The following GNG2 variants were observed in gnomAD, a reference collection of about 807,000 sequenced individuals.
GNG2 encodes the protein guanine nucleotide-binding protein G(I)/G(S)/G(O) subunit gamma-2.
GNG2 carries 5 observed loss-of-function variants against 5.5 expected under a neutral mutation model. The observed-to-expected ratio is 0.91, with a 90% CI of 0.48 to 1.92. The LOEUF (loss-of-function observed/expected upper bound fraction) is 1.92, where lower values mean the gene tolerates loss of function less well. Among genes scored for constraint, GNG2 ranks in the 30% most tolerant of loss-of-function variants. The pLI is 0.01. For synonymous variants in GNG2, 28 were observed against 32.0 expected, an observed-to-expected ratio of 0.88 and a Z score of 0.42; for missense variants, 55 against 88.4, an observed-to-expected ratio of 0.62 and a Z score of 1.52.
chr14:51,925,673 A>C (rs528533942), intron 2 of GNG2, among the ~76,000 whole-genome samples: 1 of 152,218 alleles, frequency 6.6e-6, no homozygotes, highest in East Asian at 1.9e-4. Flanking sequence ...GTGCAGTGGC[A>C]TCATCTCAGC....
intron 2 of GNG2, among the ~76,000 whole-genome samples, chr14:51,896,230 T>C (rs1239359873): frequency 1.3e-5 from 2 of 152,194 alleles, no homozygotes; most frequent in African/African-American, 4.8e-5. Context: ...AAAATTGTGA[T>C]CTAAAACGTA....
At chr14:51,950,926 A>G (rs980986748) in intron 3 of GNG2, among the ~76,000 whole-genome samples, 161 bp downstream of exon 3, 3 of 152,192 alleles carry the variant, frequency 2.0e-5, no homozygotes, top group East Asian at 1.9e-4. Context: ...CTCCAGCATA[A>G]AATAATAGAA....
At chr14:51,901,811 A>G (rs117134422) in intron 2 of GNG2, among the ~76,000 whole-genome samples, 2,995 of 152,132 alleles carry the variant, frequency 0.02, 39 homozygotes, top group South Asian at 0.045. Context: ...ATCCAGGTAT[A>G]TAATAACCCA....
chr14:51,861,187 G>A (rs1049613961), intron 1 of GNG2: 2 of 152,154 alleles, frequency 1.3e-5, no homozygotes, highest in African/African-American at 4.8e-5. Context: ...CTTACACATT[G>A]CACTGGGATA....
intron 2 of GNG2, among the ~76,000 whole-genome samples, chr14:51,894,467 G>A (rs999536943): frequency 2.6e-5 from 4 of 152,056 alleles, no homozygotes; most frequent in East Asian, 1.9e-4. Flanking sequence ...AGAGCTTTGC[G>A]CCACTTGACT....
intron 2 of GNG2, among the ~76,000 whole-genome samples, chr14:51,889,191 C>A (rs1884669905): frequency 6.7e-6 from 1 of 149,880 alleles, no homozygotes; most frequent in African/African-American, 2.5e-5. Context: ...CTGCTCACTG[C>A]AACCTCCGAC....
chr14:51,944,611 G>A (rs927157855), intron 2 of GNG2, among the ~76,000 whole-genome samples: 1 of 152,170 alleles, frequency 6.6e-6, no homozygotes, highest in African/African-American at 2.4e-5. Flanking sequence ...ACAGGCAAAA[G>A]AATGAAGTTG....
intron 2 of GNG2, among the ~76,000 whole-genome samples, chr14:51,829,321 C>G (rs556426215): frequency 1.1e-4 from 17 of 152,288 alleles, no homozygotes; most frequent in African/African-American, 3.4e-4. Context: ...TTAAATTCAA[C>G]AGTGCTTGGA....
At chr14:51,836,796 A>T (rs78994549) in intron 2 of GNG2, among the ~76,000 whole-genome samples, 1,717 of 152,074 alleles carry the variant, frequency 0.011, 29 homozygotes, top group African/African-American at 0.039. Flanking sequence ...ACCTATCACT[A>T]AAAGTTTGTT....
chr14:51,910,420 T>C (rs1886223822), intron 2 of GNG2, among the ~76,000 whole-genome samples: 1 of 152,166 alleles, frequency 6.6e-6, no homozygotes, highest in African/African-American at 2.4e-5. Context: ...AAAGGACCGA[T>C]ACATTTTCCT....
intron 3 of GNG2, among the ~76,000 whole-genome samples, chr14:51,966,236 A>AAAAC (rs1889905736): frequency 6.7e-6 from 1 of 149,014 alleles, no homozygotes; most frequent in African/African-American, 2.5e-5. Flanking sequence ...AAAAAAAAAA[A>AAAAC]ACAAATGAAG....
In GNG2 at chr14:51,883,910, T is replaced by A. The variant is rs547718409; in HGVS notation, c.-30+6253T>A. On this transcript the variant is annotated intron_variant, in intron 2 of 3. Coordinates refer to ENST00000556766, the MANE Select transcript of GNG2 (RefSeq NM_053064.5). ...AATTATGATTTTAGTTAGGTTTTTT[T>A]AATCATGAAAGAAATTCATGCAGAA... 3.5e-4 allele frequency among the ~76,000 whole-genome samples: 54 copies of A among 152,334 alleles called. 3 individuals are homozygous for A. The South Asian group carries it at 9.7e-3, about 27-fold the overall frequency.
chr14:51,927,457 A>G (rs968015127), intron 2 of GNG2, among the ~76,000 whole-genome samples: 1 of 152,244 alleles, frequency 6.6e-6, no homozygotes, highest in African/African-American at 2.4e-5. Context: ...CATTAGTACT[A>G]TAAACTAAAA....
exon 2 of GNG2, chr14:51,827,677 C>T (rs560167278): frequency 1.0e-4 from 72 of 701,894 alleles, no homozygotes; most frequent in South Asian, 9.2e-4. Context: ...GAATTACACG[C>T]AGTGGAAAAG....
chr14:51,893,730 T>C (rs1201762704), intron 2 of GNG2, among the ~76,000 whole-genome samples: 1 of 152,152 alleles, frequency 6.6e-6, no homozygotes, highest in Non-Finnish European at 1.5e-5. Flanking sequence ...AAAAAACATT[T>C]CTCCATGTTA....
chr14:51,889,452 G>C (rs1415023008), intron 2 of GNG2, among the ~76,000 whole-genome samples: 1 of 151,952 alleles, frequency 6.6e-6, no homozygotes, highest in South Asian at 2.1e-4. Context: ...AGTGGTGATG[G>C]GTACAGAATT....
At chr14:51,928,957 G>A (rs561553430) in intron 2 of GNG2, among the ~76,000 whole-genome samples, 48 of 152,236 alleles carry the variant, frequency 3.2e-4, no homozygotes, top group African/African-American at 9.9e-4. Flanking sequence ...ATGTGCTTTC[G>A]TTGTTCTCAC....
chr14:51,931,784 C>CA (rs1887672653), intron 2 of GNG2, among the ~76,000 whole-genome samples: 1 of 152,042 alleles, frequency 6.6e-6, no homozygotes, highest in Non-Finnish European at 1.5e-5. Context: ...GGAGGTTCCT[C>CA]AAAAAAGTTA....
chr14:51,911,497 T>G (rs1478719823), intron 2 of GNG2, among the ~76,000 whole-genome samples: 1 of 151,980 alleles, frequency 6.6e-6, no homozygotes, highest in Non-Finnish European at 1.5e-5. Flanking sequence ...TTTAGTGAAC[T>G]TCATCTGAAC....
Sources: gnomAD v4.1 joint callset for allele counts (sites outside exome capture counted in the v4.1 genomes callset) on GRCh38, gnomAD v4.1.1 for gene constraint, MANE v1.5 for transcripts, NCBI Gene and HGNC (gene_info 2026-07-23, HGNC 2026-07-21) for gene names.